Variants in MAP2K5 observed in about 807,000 individuals in gnomAD.
MAP2K5 encodes the protein dual specificity mitogen-activated protein kinase kinase 5.
Under a neutral mutation model 83.1 loss-of-function variants are expected in MAP2K5, and 49 were observed. That is an observed-to-expected ratio of 0.59 (90% confidence interval 0.47 to 0.75). The LOEUF (loss-of-function observed/expected upper bound fraction) is 0.75. Among genes scored for constraint, MAP2K5 ranks in the 30% least tolerant of loss-of-function variants. MAP2K5 has a pLI of 0.00. For synonymous variants in MAP2K5, 202 were observed against 191.8 expected (o/e 1.05, Z -0.44); for missense variants, 457 against 557.5 (o/e 0.82, Z 1.82).
rs1309361032 is a variant in MAP2K5, at chr15:67,748,247, G to T, written c.1091G>T (p.Gly364Val). ...TTTTTTCAGATTCAGAAAAACCAGG[G>T]ATCTTTAATGGTAAGCTTTATGAGT... ...FPYPQIQKNQ[G>V]SLMPLQLLQC... is the part of the protein sequence containing the mutation. Residue 364 changes from glycine (G) to valine (V), a missense_variant, in exon 18 of 22, where the codon GGA becomes GTA. Coordinates refer to ENST00000178640, the MANE Select transcript of MAP2K5 (RefSeq NM_145160.3). This position sits in a 1 kb window ranked among gnomAD's most constrained non-coding sequence, Gnocchi z 4.0. 1 of 1,608,020 alleles carries T rather than the reference G, an allele frequency of 6.2e-7. No individual in the cohort carries two copies.
At chr15:67,696,128 T>A (rs1401150572) in intron 15 of MAP2K5, among the ~76,000 whole-genome samples, 1 of 226 alleles carries the variant, frequency 4.4e-3, no homozygotes, top group Non-Finnish European at 0.016. Flanking sequence ...AGAGCTGAGC[T>A]TTTTTTTTTT....
At chr15:67,649,904 G>T (rs1843801314) in intron 11 of MAP2K5, among the ~76,000 whole-genome samples, 1 of 152,090 alleles carries the variant, frequency 6.6e-6, no homozygotes, top group South Asian at 2.1e-4. Context: ...ATTTTGATAA[G>T]AATTGAATTG....
At chr15:67,657,721 C>CAT (rs147008354) in intron 11 of MAP2K5, among the ~76,000 whole-genome samples, 3,080 of 147,008 alleles carry the variant, frequency 0.021, 64 homozygotes, top group East Asian at 0.069. Flanking sequence ...AGCCAGTAGC[C>CAT]ATATATATAT....
chr15:67,586,833 TCTTTA>T lies in MAP2K5; in HGVS notation c.364-9_364-5del. The T allele has an allele frequency of 6.2e-7, 1 of 1,613,344 alleles. No individual in the cohort carries two copies. Among genetic ancestry groups the T allele is most frequent in the Admixed American group, 1.7e-5 (1 of 60,028 alleles). On this transcript the variant is annotated splice_polypyrimidine_tract_variant and splice_region_variant and intron_variant, in intron 5 of 21. Coordinates refer to ENST00000178640, the MANE Select transcript of MAP2K5 (RefSeq NM_145160.3). ...GAACACAAGACTGATCAAGATTCTT[TCTTTA>T]CTTATAGGTGAATACTCGGGCCGGA...
intron 19 of MAP2K5, among the ~76,000 whole-genome samples, chr15:67,759,324 C>G (rs897458106): frequency 1.3e-5 from 2 of 151,752 alleles, no homozygotes; most frequent in African/African-American, 4.8e-5. Context: ...TTTGGGAGAC[C>G]AAGGAAGGCA....
intron 9 of MAP2K5, among the ~76,000 whole-genome samples, chr15:67,633,153 T>C: frequency 6.6e-6 from 1 of 152,226 alleles, no homozygotes; most frequent in East Asian, 1.9e-4. Flanking sequence ...TGAGTGTGGC[T>C]CTGTTGTACA....
At chr15:67,547,247 T>A (rs1391899476) in intron 1 of MAP2K5, among the ~76,000 whole-genome samples, 1 of 152,162 alleles carries the variant, frequency 6.6e-6, no homozygotes, top group African/African-American at 2.4e-5. Context: ...TCTTTATCTC[T>A]GTAACCAGTT....
chr15:67,580,914 A>G (rs1424641678), intron 4 of MAP2K5, 91 bp downstream of exon 4: 9 of 855,536 alleles, frequency 1.1e-5, no homozygotes, highest in African/African-American at 1.7e-5. Flanking sequence ...TGCACATAAC[A>G]TGATGTTTAG....
intron 9 of MAP2K5, among the ~76,000 whole-genome samples, chr15:67,632,613 A>G (rs1212205002): frequency 6.6e-6 from 1 of 152,168 alleles, no homozygotes; most frequent in Non-Finnish European, 1.5e-5. Context: ...AACATTGCTC[A>G]TCCCTCTGAT....
rs1240038821 is a variant in MAP2K5, at chr15:67,717,688, G to A, written c.1045-10228G>A. On this transcript the variant is annotated intron_variant, in intron 16 of 21. Coordinates refer to ENST00000178640, the MANE Select transcript of MAP2K5 (RefSeq NM_145160.3). The surrounding 1 kb of genome is among the most constrained non-coding windows in gnomAD (Gnocchi z 4.1). ...AAGCCTCTCATGAGGTTGCAGTTGGGTAGTGGTTAAGGATGGAAGATCCAA... is the reference window on the plus strand; with the variant it reads ...AAGCCTCTCATGAGGTTGCAGTTGGATAGTGGTTAAGGATGGAAGATCCAA... Among the ~76,000 whole-genome samples the A allele has an allele frequency of 6.6e-6, 1 of 152,216 alleles. No homozygotes were observed. The highest frequency in any genetic ancestry group is 1.5e-5 in the Non-Finnish European group (1 of 68,032).
At chr15:67,670,799 G>A (rs964430511) in intron 13 of MAP2K5, among the ~76,000 whole-genome samples, 4 of 152,158 alleles carry the variant, frequency 2.6e-5, no homozygotes, top group African/African-American at 7.2e-5. Flanking sequence ...GTCAGGGAAG[G>A]AAGGATAGTG....
chr15:67,566,374 C>T (rs1293013040), intron 3 of MAP2K5, among the ~76,000 whole-genome samples: 7 of 152,022 alleles, frequency 4.6e-5, no homozygotes, highest in Non-Finnish European at 7.4e-5. Context: ...TGGGATTTCT[C>T]GATATTGGCC....
At chr15:67,789,869 G>A (rs1208559593) in intron 21 of MAP2K5, among the ~76,000 whole-genome samples, 2 of 151,244 alleles carry the variant, frequency 1.3e-5, no homozygotes, top group Non-Finnish European at 2.9e-5. Flanking sequence ...TCATCTTGTT[G>A]AAGATTGATT....
At chr15:67,642,171 G>A (rs183880107) in intron 9 of MAP2K5, among the ~76,000 whole-genome samples, 1 of 152,188 alleles carries the variant, frequency 6.6e-6, no homozygotes, top group Non-Finnish European at 1.5e-5. Context: ...TATTTGTTTG[G>A]TGGTGTACAT....
At chr15:67,599,633 A>G (rs2141024452) in intron 7 of MAP2K5, among the ~76,000 whole-genome samples, 1 of 152,174 alleles carries the variant, frequency 6.6e-6, no homozygotes, top group Non-Finnish European at 1.5e-5. Flanking sequence ...ATTGAATTAA[A>G]AACTCCATCC....
rs2088917505 is a variant in MAP2K5 at position 67,720,063 on chromosome 15, G to A, written c.1045-7853G>A. On this transcript the variant is annotated intron_variant, in intron 16 of 21. Coordinates refer to ENST00000178640, the MANE Select transcript of MAP2K5 (RefSeq NM_145160.3). The surrounding 1 kb of genome is among the most constrained non-coding windows in gnomAD (Gnocchi z 5.7). ...AAGTGTCTGTAAAGCTACAAAAGTG[G>A]GCATTTTTAAATTGAGGGTTTTTTC... Among the ~76,000 whole-genome samples, 1 of 152,030 alleles carries A rather than the reference G, an allele frequency of 6.6e-6. No homozygotes were observed. Among genetic ancestry groups the A allele is most frequent in the Admixed American group, 6.6e-5 (1 of 15,252 alleles).
At chr15:67,726,558 GCAGTGT>G (rs1470029391) in intron 16 of MAP2K5, among the ~76,000 whole-genome samples, 2 of 152,234 alleles carry the variant, frequency 1.3e-5, no homozygotes, top group African/African-American at 4.8e-5. Flanking sequence ...AAATGTTTGA[GCAGTGT>G]CAGTGTCTTT....
At chr15:67,567,355 GTT>G (rs1270904901) in intron 3 of MAP2K5, among the ~76,000 whole-genome samples, 3 of 135,028 alleles carry the variant, frequency 2.2e-5, no homozygotes, top group East Asian at 2.1e-4. Context: ...CCTCCATAAA[GTT>G]TTTTTTTTTT....
intron 8 of MAP2K5, among the ~76,000 whole-genome samples, chr15:67,601,088 A>C (rs16951058): frequency 0.15 from 22,084 of 152,030 alleles, 2,062 homozygotes; most frequent in African/African-American, 0.25. Flanking sequence ...ACCCTACGCT[A>C]GTCCCCTGCC....
Sources: gnomAD v4.1 joint callset for allele counts (sites outside exome capture counted in the v4.1 genomes callset) on GRCh38, gnomAD v4.1.1 for gene constraint, Gnocchi (gnomAD v3.1) non-coding constraint, MANE v1.5 for transcripts, NCBI Gene and HGNC (gene_info 2026-07-23, HGNC 2026-07-21) for gene names.